Variants in EPB41 observed in about 807,000 individuals in gnomAD.
EPB41 encodes the protein protein 4.1.
In EPB41, 65 loss-of-function variants were observed where a neutral mutation model predicts 108.0. That is an observed-to-expected ratio of 0.60 (90% CI 0.49 to 0.74). The LOEUF is 0.74. EPB41 is among the 30% of genes least tolerant of loss of function. The probability of loss-of-function intolerance (pLI) is 0.00; values close to 1 mark genes in which losing one functional copy is unlikely to be tolerated. For synonymous variants in EPB41, 336 were observed against 358.9 expected (o/e 0.94, Z 0.72); for missense variants, 875 against 1,037.0 (o/e 0.84, Z 2.15).
intron 1 of EPB41, among the ~76,000 whole-genome samples, chr1:28,918,166 C>A (rs2092820336): frequency 6.6e-6 from 1 of 152,148 alleles, no homozygotes; most frequent in Admixed American, 6.5e-5. Flanking sequence ...TCTTTTCTGT[C>A]TCAGCCTCCT....
chr1:29,052,989 A>T (rs989127312), intron 11 of EPB41, 115 bp from the exon 12 acceptor site: 3 of 1,137,620 alleles, frequency 2.6e-6, no homozygotes, highest in Non-Finnish European at 3.9e-6. Context: ...ATAGCCCACT[A>T]CACACTCTAA....
chr1:28,972,271 A>G (rs1022847318), intron 1 of EPB41, among the ~76,000 whole-genome samples: 15 of 152,164 alleles, frequency 9.9e-5, no homozygotes, highest in African/African-American at 3.1e-4. Flanking sequence ...TTCGGTGGAG[A>G]TGAATTTTTT....
At chr1:29,093,603 C>T (rs1288238098) in intron 16 of EPB41, among the ~76,000 whole-genome samples, 4 of 152,138 alleles carry the variant, frequency 2.6e-5, no homozygotes, top group African/African-American at 9.7e-5. Context: ...GCATCTTCAT[C>T]ATAAAATCTT....
chr1:29,027,500 T>A (rs1325557042), intron 7 of EPB41, among the ~76,000 whole-genome samples: 1 of 151,606 alleles, frequency 6.6e-6, no homozygotes, highest in Non-Finnish European at 1.5e-5. Flanking sequence ...CCCGGCTAAT[T>A]TTGTACTTTT....
intron 1 of EPB41, among the ~76,000 whole-genome samples, chr1:28,908,419 G>GTTA (rs537998578): frequency 6.8e-5 from 10 of 147,598 alleles, no homozygotes; most frequent in African/African-American, 1.0e-4. Flanking sequence ...AAAAAAAGTA[G>GTTA]TTATTATTAT....
intron 4 of EPB41, among the ~76,000 whole-genome samples, chr1:29,005,566 T>C (rs1159872920): frequency 6.6e-6 from 1 of 152,248 alleles, no homozygotes; most frequent in Non-Finnish European, 1.5e-5. Flanking sequence ...GTATCTGCCT[T>C]GTGCTGGGCA....
Position 29,030,493 on chromosome 1 carries a change from G to T in EPB41, c.1212+6G>T. 6.2e-7 allele frequency: 1 copy of T among 1,606,828 alleles called. No individual in the cohort carries two copies. Among genetic ancestry groups the T allele is most frequent in the South Asian group, 1.1e-5 (1 of 90,928 alleles). ...TTGATCTTCATAAAGCAAAGGTAAT[G>T]ATAACTTTGCCCTTTATTAATATGC... On this transcript the variant is annotated splice_donor_region_variant and intron_variant, in intron 8 of 20. Coordinates refer to ENST00000343067, the MANE Select transcript of EPB41 (RefSeq NM_001376013.1).
chr1:29,033,448 T>A (rs1638229947), intron 9 of EPB41, among the ~76,000 whole-genome samples: 1 of 152,210 alleles, frequency 6.6e-6, no homozygotes, highest in Admixed American at 6.5e-5. Flanking sequence ...TTTCACTTTT[T>A]GTAAGTAAAT....
intron 16 of EPB41, among the ~76,000 whole-genome samples, chr1:29,093,612 T>C (rs1221561981): frequency 6.6e-6 from 1 of 152,176 alleles, no homozygotes; most frequent in East Asian, 1.9e-4. Context: ...TCATAAAATC[T>C]TTGCCAGTTC....
At chr1:29,067,581 C>T (rs1314423948) in intron 16 of EPB41, among the ~76,000 whole-genome samples, 2 of 142,482 alleles carry the variant, frequency 1.4e-5, no homozygotes, top group African/African-American at 5.3e-5. Context: ...GCAGGAGAAT[C>T]GCTTGAACCC....
intron 1 of EPB41, among the ~76,000 whole-genome samples, chr1:28,976,261 A>G (rs1349268867): frequency 3.3e-5 from 5 of 152,140 alleles, no homozygotes; most frequent in African/African-American, 4.8e-5. Flanking sequence ...GAGAATGTCT[A>G]CCTTGTAGAG....
intron 16 of EPB41, among the ~76,000 whole-genome samples, chr1:29,095,432 G>GGCTAAC (rs1202909827): frequency 9.9e-5 from 15 of 152,270 alleles, no homozygotes; most frequent in African/African-American, 3.6e-4. Context: ...CTCCATGCAG[G>GGCTAAC]GCTAGTGTGA....
At chr1:28,923,198 C>T (rs1259558426) in intron 1 of EPB41, among the ~76,000 whole-genome samples, 2 of 140,596 alleles carry the variant, frequency 1.4e-5, no homozygotes, top group African/African-American at 2.7e-5. Context: ...CGGATTCAAG[C>T]GATTCTCCTG....
intron 4 of EPB41, among the ~76,000 whole-genome samples, chr1:28,998,287 G>A (rs2096228793): frequency 6.6e-6 from 1 of 152,170 alleles, no homozygotes; most frequent in African/African-American, 2.4e-5. Flanking sequence ...GAGACTGACA[G>A]TTCAGGAACT....
chr1:28,901,217 C>G (rs1178925042), intron 1 of EPB41, among the ~76,000 whole-genome samples: 1 of 147,420 alleles, frequency 6.8e-6, no homozygotes, highest in Non-Finnish European at 1.5e-5. Context: ...GCGTGAGCCA[C>G]TGCACCCGGC....
At chr1:28,890,686 C>A (rs1250037243) in intron 1 of EPB41, among the ~76,000 whole-genome samples, 1 of 152,210 alleles carries the variant, frequency 6.6e-6, no homozygotes, top group Non-Finnish European at 1.5e-5. Context: ...CTTTAATACG[C>A]TGCATTAACT....
chr1:28,973,633 G>A (rs945571463), intron 1 of EPB41, among the ~76,000 whole-genome samples: 16 of 152,122 alleles, frequency 1.1e-4, no homozygotes, highest in African/African-American at 3.9e-4. Flanking sequence ...AGTCTCAAGA[G>A]ATACTCCTGT....
At chr1:28,982,592 G>T (rs1021035130) in intron 1 of EPB41, 33 of 1,504,648 alleles carry the variant, frequency 2.2e-5, no homozygotes, top group Non-Finnish European at 2.9e-5. Flanking sequence ...ACCTTCCCAG[G>T]TTTCATGAAC....
chr1:28,972,562 A>T (rs776589624), intron 1 of EPB41, among the ~76,000 whole-genome samples: 1 of 151,972 alleles, frequency 6.6e-6, no homozygotes, highest in Non-Finnish European at 1.5e-5. Context: ...AAACAGCATG[A>T]TCATGCTCAG....
Sources: allele counts gnomAD v4.1 joint callset (sites outside exome capture counted in the v4.1 genomes callset), GRCh38; gene constraint gnomAD v4.1.1; transcripts MANE v1.5; gene names NCBI Gene and HGNC (gene_info 2026-07-23, HGNC 2026-07-21).